KAZN: variants seen among roughly 807,000 people sequenced by gnomAD.
KAZN encodes the protein kazrin.
Under a neutral mutation model 87.4 loss-of-function variants are expected in KAZN, and 40 were observed. The observed-to-expected ratio is 0.46, with a 90% CI of 0.36 to 0.60. The LOEUF (loss-of-function observed/expected upper bound fraction) is 0.60. Ranked by LOEUF, KAZN falls within the 20% of genes least tolerant of loss-of-function variation. KAZN has a pLI of 0.00. For missense variants in KAZN, 898 were observed against 1,073.9 expected, an observed-to-expected ratio of 0.84 and a Z score of 2.29; for synonymous variants, 466 against 458.3, an observed-to-expected ratio of 1.02 and a Z score of -0.22.
At chr1:14,003,332 TAA>T (rs572382814) in intron 1 of KAZN, among the ~76,000 whole-genome samples, 24 of 128,784 alleles carry the variant, frequency 1.9e-4, no homozygotes, top group South Asian at 2.4e-4. Context: ...AAAGTAAAAT[TAA>T]AAAAAAAAAA....
rs549092023 is a variant in KAZN at position 14,251,643 on chromosome 1, C to CTTTTTTTTTTTT, written c.249+71065_249+71076dup. 5.0e-3 allele frequency among the ~76,000 whole-genome samples: 448 copies of CTTTTTTTTTTTT among 90,302 alleles called. 24 individuals carry two copies. The highest frequency in any genetic ancestry group is 6.4e-3 in the Middle Eastern group (1 of 156). 59.2% of individuals were successfully genotyped at this position (90,302 alleles called of 152,430 possible). A position where few individuals can be genotyped will look rare whatever the true frequency, so the allele number is the denominator to read the frequency against. On this transcript the variant is annotated intron_variant, in intron 2 of 16. Coordinates refer to the KAZN transcript ENST00000636203. ...AGGCACAGTGAAAAGTTCTCCCGGA[C>CTTTTTTTTTTTT]TTTTTTTTTTTTTTTTTTTTTTTTT...
chr1:14,808,290 CTTTTT>C (rs57548450), intron 1 of KAZN, among the ~76,000 whole-genome samples: 3 of 88,096 alleles, frequency 3.4e-5, no homozygotes, highest in Admixed American at 1.4e-4. Context: ...AAAGAGGTTT[CTTTTT>C]TTTTTTTTTT....
intron 2 of KAZN, among the ~76,000 whole-genome samples, chr1:14,499,761 G>C (rs1309441451): frequency 6.6e-6 from 1 of 152,140 alleles, no homozygotes. Context: ...CAGTGACCCT[G>C]GCTTGGCCCT....
chr1:14,919,817 C>T lies in KAZN; in HGVS notation c.227-40867C>T, dbSNP rs1434012468. ...TGAGATATGTTTAGATATATAAAAA[C>T]TTACCATCGTGTTACAATTATCTAC... is the stretch of plus-strand genomic sequence containing the variant. On this transcript the variant is annotated intron_variant, in intron 1 of 14. Coordinates refer to ENST00000376030, the MANE Select transcript of KAZN (RefSeq NM_201628.3). Among the ~76,000 whole-genome samples, 3 of 152,120 alleles carry T rather than the reference C, an allele frequency of 2.0e-5. No homozygotes were observed. The East Asian group carries it at 5.8e-4, about 29-fold the overall frequency.
At chr1:14,116,570 G>A (rs1340760483) in intron 1 of KAZN, among the ~76,000 whole-genome samples, 1 of 152,244 alleles carries the variant, frequency 6.6e-6, no homozygotes, top group Non-Finnish European at 1.5e-5. Context: ...CAGGGGCAGG[G>A]TTTTCATAGA....
intron 1 of KAZN, among the ~76,000 whole-genome samples, chr1:13,942,587 T>C (rs1332249744): frequency 6.8e-6 from 1 of 148,144 alleles, no homozygotes; most frequent in Non-Finnish European, 1.5e-5. Context: ...TATATATAAT[T>C]CACCAACACC....
intron 1 of KAZN, among the ~76,000 whole-genome samples, chr1:13,934,772 A>G (rs1640657028): frequency 6.7e-6 from 1 of 148,954 alleles, no homozygotes; most frequent in African/African-American, 2.5e-5. Flanking sequence ...GGCAAGATTC[A>G]CTCTATTTAC....
intron 2 of KAZN, among the ~76,000 whole-genome samples, chr1:14,482,025 A>G (rs1669111678): frequency 1.3e-5 from 2 of 152,198 alleles, no homozygotes; most frequent in Admixed American, 6.5e-5. Flanking sequence ...AATGCTTCCC[A>G]AAGGCTTCAT....
chr1:15,092,175 C>A (rs1640578389), intron 8 of KAZN, among the ~76,000 whole-genome samples: 1 of 144,072 alleles, frequency 6.9e-6, no homozygotes, highest in African/African-American at 2.6e-5. Context: ...CTCCTGGGTT[C>A]AAGCGATTCT....
intron 2 of KAZN, among the ~76,000 whole-genome samples, chr1:14,552,218 C>A (rs12738424): frequency 1.3e-5 from 2 of 151,974 alleles, no homozygotes; most frequent in African/African-American, 2.4e-5. Flanking sequence ...CTCCCTTTGC[C>A]ACCATCCTCC....
chr1:14,073,513 C>G (rs890107372), intron 1 of KAZN, among the ~76,000 whole-genome samples: 5 of 152,178 alleles, frequency 3.3e-5, no homozygotes, highest in Non-Finnish European at 4.4e-5. Context: ...AACCTGTCAT[C>G]TACATTAGGT....
chr1:13,975,879 G>A lies in KAZN; in HGVS notation c.91+82123G>A, dbSNP rs534178036. ...GCATAGTAAACCCAGCTTCTGAAAGGTGTTTTGATGAAAAAGTAAAGCAAC... is the reference window on the plus strand; with the variant it reads ...GCATAGTAAACCCAGCTTCTGAAAGATGTTTTGATGAAAAAGTAAAGCAAC... On this transcript the variant is annotated intron_variant, in intron 1 of 16. Transcript: ENST00000636203. 7.2e-5 allele frequency among the ~76,000 whole-genome samples: 11 copies of A among 152,314 alleles called. No individual in the cohort carries two copies. The South Asian group carries it at 1.9e-3, about 26-fold the overall frequency.
At chr1:15,047,397 T>C (rs776394133) in intron 4 of KAZN, among the ~76,000 whole-genome samples, 2 of 152,010 alleles carry the variant, frequency 1.3e-5, no homozygotes, top group African/African-American at 2.4e-5. Flanking sequence ...AGTGGAAGCA[T>C]AGAGGGTGGG....
At chr1:14,756,381 AGCCCCCCT>A (rs1644566702) in intron 1 of KAZN, among the ~76,000 whole-genome samples, 1 of 152,152 alleles carries the variant, frequency 6.6e-6, no homozygotes, top group South Asian at 2.1e-4. Flanking sequence ...GTCTTCTGTC[AGCCCCCCT>A]GCAAAAATGG....
chr1:14,384,846 G>A (rs1557680015), intron 2 of KAZN, among the ~76,000 whole-genome samples: 1 of 151,946 alleles, frequency 6.6e-6, no homozygotes, highest in Non-Finnish European at 1.5e-5. Context: ...GAGTTAGGGA[G>A]GAATCCCTCT....
At chr1:14,698,570 C>G (rs1641746064) in intron 1 of KAZN, among the ~76,000 whole-genome samples, 1 of 152,252 alleles carries the variant, frequency 6.6e-6, no homozygotes, top group Non-Finnish European at 1.5e-5. Flanking sequence ...CATCTTGCCA[C>G]AGAGCCGCCC....
intron 1 of KAZN, among the ~76,000 whole-genome samples, chr1:14,724,011 C>T (rs72636625): frequency 0.2 from 30,751 of 152,112 alleles, 3,485 homozygotes; most frequent in African/African-American, 0.3. Context: ...CTTTCAGCTT[C>T]GTAATTTTCT....
intron 13 of KAZN, 28 bp from the exon 14 acceptor site, chr1:15,112,399 T>A: frequency 5.2e-6 from 7 of 1,358,392 alleles, no homozygotes; most frequent in Non-Finnish European, 7.2e-6. Flanking sequence ...GAGCCTCCCC[T>A]GCTGACTCAA....
At chr1:14,918,865 C>T (rs1658194443) in intron 1 of KAZN, among the ~76,000 whole-genome samples, 1 of 151,384 alleles carries the variant, frequency 6.6e-6, no homozygotes, top group Admixed American at 6.6e-5. Flanking sequence ...TTGATTGCAG[C>T]CTTTAAGAGA....
Sources: allele counts gnomAD v4.1 joint callset (sites outside exome capture counted in the v4.1 genomes callset), GRCh38; gene constraint gnomAD v4.1.1; transcripts MANE v1.5; gene names NCBI Gene and HGNC (gene_info 2026-07-23, HGNC 2026-07-21).